AFF3: variants seen among roughly 807,000 people sequenced by gnomAD.
AFF3 encodes the protein AF4/FMR2 family member 3.
AFF3 carries 32 observed loss-of-function variants against 129.7 expected under a neutral mutation model. The observed-to-expected ratio is 0.25, with a 90% CI of 0.19 to 0.33. The LOEUF (loss-of-function observed/expected upper bound fraction) is 0.33, where lower values mean the gene tolerates loss of function less well. Among genes scored for constraint, AFF3 ranks in the 10% least tolerant of loss-of-function variants. AFF3 has a pLI of 1.00. For synonymous variants in AFF3, 644 were observed against 635.4 expected (o/e 1.01, Z -0.20); for missense variants, 1,373 against 1,592.0 (o/e 0.86, Z 2.34).
chr2:99,993,792 C>CTTTT lies in AFF3; in HGVS notation c.873+12836_873+12839dup, dbSNP rs751882272. Among the ~76,000 whole-genome samples, 86 of 72,546 alleles carry CTTTT rather than the reference C, an allele frequency of 1.2e-3. 2 individuals carry two copies. The highest frequency in any genetic ancestry group is 3.7e-3 in the East Asian group (7 of 1,888). 47.6% of individuals were successfully genotyped at this position (72,546 alleles called of 152,430 possible). Reference sequence around the variant, plus strand: ...CAAGTAATGTGTACAAACACTTTATCTTTTTTTTTTTTTTTTTTTTTTTTT... The same window carrying CTTTT: ...CAAGTAATGTGTACAAACACTTTATCTTTTTTTTTTTTTTTTTTTTTTTTTTTTT... On this transcript the variant is annotated intron_variant, in intron 7 of 24. Transcript: ENST00000672756.
intron 4 of AFF3, among the ~76,000 whole-genome samples, chr2:100,010,611 C>T (rs1273274928): frequency 6.6e-6 from 1 of 152,140 alleles, no homozygotes; most frequent in African/African-American, 2.4e-5. Flanking sequence ...GGACTGCAGC[C>T]TCTAGAATCT....
Position 99,634,964 on chromosome 2 carries a change from T to TACACACACACACAC in AFF3, c.1184+14648_1184+14661dup, listed in dbSNP as rs201362666. Among the ~76,000 whole-genome samples the TACACACACACACAC allele has an allele frequency of 4.8e-3, 660 of 137,748 alleles. 7 individuals carry two copies. The highest frequency in any genetic ancestry group is 7.7e-3 in the Middle Eastern group (2 of 260). 90.4% of individuals were successfully genotyped at this position (137,748 alleles called of 152,430 possible). A position where few individuals can be genotyped will look rare whatever the true frequency, so the allele number is the denominator to read the frequency against. On this transcript the variant is annotated intron_variant, in intron 13 of 24. Transcript: ENST00000672756. ...CTTGAGGCAGAGCTGGATTCTGTCA[T>TACACACACACACAC]ACACACACACACACACACACACACA...
chr2:99,912,524 C>T (rs2106203026), intron 7 of AFF3, among the ~76,000 whole-genome samples: 1 of 152,274 alleles, frequency 6.6e-6, no homozygotes, highest in South Asian at 2.1e-4. Context: ...ATTAGAGTAG[C>T]TTCCAATCAT....
intron 10 of AFF3, among the ~76,000 whole-genome samples, chr2:99,742,093 C>T (rs1283437673): frequency 6.6e-6 from 1 of 152,154 alleles, no homozygotes; most frequent in Non-Finnish European, 1.5e-5. Context: ...TGGTGGCTCA[C>T]ACCTATAATC....
intron 4 of AFF3, among the ~76,000 whole-genome samples, chr2:100,069,299 T>C (rs1222309288): frequency 2.6e-5 from 4 of 152,192 alleles, no homozygotes; most frequent in Non-Finnish European, 5.9e-5. Flanking sequence ...ATCAGATCTA[T>C]ACCCCAGAAC....
At chr2:99,572,348 T>A (rs1474438985) in intron 18 of AFF3, among the ~76,000 whole-genome samples, 1 of 127,052 alleles carries the variant, frequency 7.9e-6, no homozygotes, top group Non-Finnish European at 1.6e-5. Flanking sequence ...GCATCAGGGT[T>A]TGAGCTACCC....
chr2:99,964,121 T>C (rs900968059), intron 7 of AFF3, among the ~76,000 whole-genome samples: 1 of 152,056 alleles, frequency 6.6e-6, no homozygotes, highest in African/African-American at 2.4e-5. Context: ...CAAAAATTGA[T>C]ACAGCTGAAA....
At position 100,009,034 on chromosome 2, in the gene AFF3, T is replaced by C. The variant is rs370374511; in HGVS notation, c.54-102A>G. 7 of 1,450,172 alleles carry C rather than the reference T, an allele frequency of 4.8e-6. No homozygotes were observed. The African/African-American group carries it at 8.5e-5, about 18-fold the overall frequency. 89.8% of individuals were successfully genotyped at this position (1,450,172 alleles called of 1,614,324 possible). On this transcript the variant is annotated intron_variant, in intron 4 of 24. Transcript: ENST00000672756. The stretch of plus-strand genomic sequence containing the variant: ...TGCAGAAGTCTGGTTCGTGGACAAA[T>C]GGTGATGACAACAAGAACATGGATG...
chr2:99,612,620 G>C (rs1681042645), intron 13 of AFF3, among the ~76,000 whole-genome samples: 1 of 152,252 alleles, frequency 6.6e-6, no homozygotes, highest in African/African-American at 2.4e-5. Context: ...GCTGGGGACA[G>C]AGAAATGGAT....
intron 13 of AFF3, among the ~76,000 whole-genome samples, chr2:99,605,407 T>G (rs1446894830): frequency 6.6e-6 from 1 of 152,198 alleles, no homozygotes; most frequent in East Asian, 1.9e-4. Context: ...GGGGGCAGAC[T>G]TTCCTGGAAG....
At chr2:99,628,178 T>C (rs955249708) in intron 13 of AFF3, among the ~76,000 whole-genome samples, 2 of 152,230 alleles carry the variant, frequency 1.3e-5, no homozygotes, top group African/African-American at 4.8e-5. Flanking sequence ...TTTCATGACA[T>C]TGATTCTTCC....
intron 7 of AFF3, among the ~76,000 whole-genome samples, chr2:99,873,982 G>A (rs1260461935): frequency 6.6e-6 from 1 of 151,976 alleles, no homozygotes; most frequent in African/African-American, 2.4e-5. Flanking sequence ...AGACCATCCT[G>A]GATAACAAGG....
At chr2:99,721,995 A>G (rs1431566488) in intron 11 of AFF3, among the ~76,000 whole-genome samples, 1 of 152,192 alleles carries the variant, frequency 6.6e-6, no homozygotes, top group Non-Finnish European at 1.5e-5. Context: ...ACATTGAACA[A>G]TTCTTACTGA....
intron 4 of AFF3, among the ~76,000 whole-genome samples, chr2:100,050,103 T>G (rs1469372709): frequency 1.3e-5 from 2 of 151,538 alleles, no homozygotes; most frequent in Non-Finnish European, 2.9e-5. Context: ...TCCCAGCTAC[T>G]TAGGAGGCTG....
intron 4 of AFF3, among the ~76,000 whole-genome samples, chr2:100,048,979 C>T (rs977334024): frequency 1.3e-5 from 2 of 152,086 alleles, no homozygotes; most frequent in African/African-American, 4.8e-5. Flanking sequence ...TCTCTGAAGT[C>T]ATTTCTCTGG....
chr2:99,759,773 C>A (rs1419854542), intron 8 of AFF3, among the ~76,000 whole-genome samples: 6 of 152,084 alleles, frequency 3.9e-5, no homozygotes, highest in African/African-American at 1.4e-4. Context: ...AGGTACAATG[C>A]TTTTATAAGA....
chr2:99,554,753 T>G, intron 22 of AFF3, 21 bp from the exon 23 acceptor site: 2 of 1,613,970 alleles, frequency 1.2e-6, no homozygotes, highest in Non-Finnish European at 1.7e-6. Flanking sequence ...ATAAAAACAC[T>G]GACAGTGAGT....
chr2:99,711,407 T>A (rs1207171698), intron 11 of AFF3, among the ~76,000 whole-genome samples: 1 of 152,156 alleles, frequency 6.6e-6, no homozygotes, highest in Admixed American at 6.5e-5. Flanking sequence ...TGAGACAACA[T>A]GTCCAGTAGA....
intron 4 of AFF3, among the ~76,000 whole-genome samples, chr2:100,009,611 G>A (rs1485307776): frequency 6.6e-6 from 1 of 152,162 alleles, no homozygotes; most frequent in African/African-American, 2.4e-5. Context: ...TGTCATCAAG[G>A]AACTCCGCCT....
Sources: allele counts gnomAD v4.1 joint callset (sites outside exome capture counted in the v4.1 genomes callset), GRCh38; gene constraint gnomAD v4.1.1; transcripts MANE v1.5; gene names NCBI Gene and HGNC (gene_info 2026-07-23, HGNC 2026-07-21).